Variants in RGS7 observed in about 807,000 individuals in gnomAD.
RGS7 encodes regulator of G-protein signaling 7.
A neutral mutation model predicts 81.1 loss-of-function variants in RGS7; 27 were observed. That is an observed-to-expected ratio of 0.33 (90% CI 0.25 to 0.46). The LOEUF (loss-of-function observed/expected upper bound fraction) is 0.46. Ranked by LOEUF, RGS7 falls within the 20% of genes least tolerant of loss-of-function variation. The pLI, the probability that RGS7 is intolerant of heterozygous loss-of-function variation, is 1.00. For missense variants in RGS7, 396 were observed against 607.4 expected, an observed-to-expected ratio of 0.65 and a Z score of 3.66; for synonymous variants, 208 against 207.7, an observed-to-expected ratio of 1.00 and a Z score of -0.01.
At chr1:241,125,389 C>T (rs925257585) in intron 2 of RGS7, among the ~76,000 whole-genome samples, 2 of 151,716 alleles carry the variant, frequency 1.3e-5, no homozygotes, top group African/African-American at 4.8e-5. Flanking sequence ...ACCCTTTTTC[C>T]TCCAATCATC....
intron 2 of RGS7, among the ~76,000 whole-genome samples, chr1:241,156,080 GCACACACACA>G: frequency 6.9e-6 from 1 of 145,838 alleles, no homozygotes; most frequent in Non-Finnish European, 1.5e-5. Context: ...ACACACGCAC[GCACACACACA>G]CACACACACA....
intron 6 of RGS7, among the ~76,000 whole-genome samples, chr1:240,895,692 G>A: frequency 6.6e-6 from 1 of 152,128 alleles, no homozygotes; most frequent in Non-Finnish European, 1.5e-5. Flanking sequence ...TATCATTGAT[G>A]GACATTTGGC....
chr1:240,973,056 A>C (rs1296839424), intron 4 of RGS7, among the ~76,000 whole-genome samples: 1 of 151,858 alleles, frequency 6.6e-6, no homozygotes, highest in Admixed American at 6.6e-5. Context: ...ATTAAAAAAA[A>C]AAAAAGGAGC....
At chr1:241,134,852 C>T (rs2067376156) in intron 2 of RGS7, among the ~76,000 whole-genome samples, 1 of 152,138 alleles carries the variant, frequency 6.6e-6, no homozygotes, top group Non-Finnish European at 1.5e-5. Context: ...AGTCCCAAGG[C>T]GCAAGGCCAC....
intron 3 of RGS7, among the ~76,000 whole-genome samples, chr1:241,034,993 G>A (rs759538210): frequency 8.6e-5 from 13 of 152,046 alleles, no homozygotes; most frequent in Admixed American, 2.6e-4. Flanking sequence ...AGATAATTAG[G>A]GTAGAATGGA....
chr1:241,103,989 C>A (rs931239602), intron 2 of RGS7, among the ~76,000 whole-genome samples: 1 of 152,198 alleles, frequency 6.6e-6, no homozygotes, highest in Non-Finnish European at 1.5e-5. Flanking sequence ...TGCATTTAGG[C>A]CGGTTAGACC....
intron 2 of RGS7, among the ~76,000 whole-genome samples, chr1:241,160,110 C>CAA (rs369734662): frequency 1.7e-3 from 97 of 55,960 alleles, no homozygotes; most frequent in African/African-American, 2.9e-3. Flanking sequence ...GACTCCATCT[C>CAA]AAAAAAAAAA....
At chr1:241,094,744 A>G (rs2064132047) in intron 3 of RGS7, among the ~76,000 whole-genome samples, 1 of 152,260 alleles carries the variant, frequency 6.6e-6, no homozygotes, top group African/African-American at 2.4e-5. Flanking sequence ...ATTCTTTGAC[A>G]TGATCTGGGT....
chr1:241,122,822 A>C (rs897892412), intron 2 of RGS7, among the ~76,000 whole-genome samples: 2 of 152,218 alleles, frequency 1.3e-5, no homozygotes, highest in African/African-American at 4.8e-5. Context: ...GTCCCACTTG[A>C]TTTGTTGACT....
chr1:240,898,020 T>C (rs1429594173), intron 6 of RGS7, among the ~76,000 whole-genome samples: 1 of 152,204 alleles, frequency 6.6e-6, no homozygotes, highest in African/African-American at 2.4e-5. Flanking sequence ...GGAGTGTGTA[T>C]GTGTCCAGAA....
chr1:240,931,705 T>C (rs1675471694), intron 5 of RGS7, among the ~76,000 whole-genome samples: 1 of 152,198 alleles, frequency 6.6e-6, no homozygotes, highest in Admixed American at 6.5e-5. Context: ...TTTAAAGGAA[T>C]AGTGTCTTAA....
intron 2 of RGS7, among the ~76,000 whole-genome samples, chr1:241,154,185 T>C (rs2068951643): frequency 6.6e-6 from 1 of 151,858 alleles, no homozygotes. Context: ...TGAATGAAAA[T>C]AAGGGAGGGT....
At chr1:241,020,026 A>C (rs192727774) in intron 3 of RGS7, among the ~76,000 whole-genome samples, 8 of 152,344 alleles carry the variant, frequency 5.3e-5, no homozygotes, top group African/African-American at 1.9e-4. Flanking sequence ...ATTGGAAATA[A>C]AAGTGGAAGT....
intron 6 of RGS7, chr1:240,920,631 C>T (rs1378801000): frequency 9.0e-6 from 10 of 1,116,266 alleles, no homozygotes; most frequent in East Asian, 7.3e-5. Flanking sequence ...CAAAGCTTAG[C>T]GGAAGAGGAG....
At chr1:241,318,811 A>G (rs1399330228) in intron 2 of RGS7, among the ~76,000 whole-genome samples, 1 of 152,210 alleles carries the variant, frequency 6.6e-6, no homozygotes, top group Non-Finnish European at 1.5e-5. Context: ...CTATTGTTTT[A>G]TAAGCAAAAA....
chr1:240,954,751 C>T (rs1680087069), intron 4 of RGS7, among the ~76,000 whole-genome samples: 1 of 151,816 alleles, frequency 6.6e-6, no homozygotes, highest in Admixed American at 6.6e-5. Context: ...CTAGCTAGTT[C>T]AATAAGGCAA....
At chr1:241,156,374 C>T (rs946674075) in intron 2 of RGS7, among the ~76,000 whole-genome samples, 10 of 151,604 alleles carry the variant, frequency 6.6e-5, no homozygotes, top group Non-Finnish European at 1.0e-4. Context: ...GACATGGTAA[C>T]GCACACTTGT....
At chr1:241,339,575 T>C (rs73123991) in intron 2 of RGS7, among the ~76,000 whole-genome samples, 2,272 of 152,298 alleles carry the variant, frequency 0.015, 63 homozygotes, top group African/African-American at 0.05. Flanking sequence ...AATTTTTCTG[T>C]AGCAAAGAAG....
At chr1:241,304,040 T>A (rs1170705406) in intron 2 of RGS7, among the ~76,000 whole-genome samples, 2 of 152,260 alleles carry the variant, frequency 1.3e-5, no homozygotes, top group Non-Finnish European at 2.9e-5. Flanking sequence ...TTTACTATTT[T>A]AAATACATCT....
Sources: allele counts gnomAD v4.1 joint callset (sites outside exome capture counted in the v4.1 genomes callset), GRCh38; gene constraint gnomAD v4.1.1; transcripts MANE v1.5; gene names NCBI Gene and HGNC (gene_info 2026-07-23, HGNC 2026-07-21).